The following GPATCH2L variants were observed in gnomAD, a reference collection of about 807,000 sequenced individuals.
GPATCH2L encodes G patch domain-containing protein 2-like.
In GPATCH2L, 31 loss-of-function variants were observed where a neutral mutation model predicts 57.4. The observed-to-expected ratio is 0.54, with a 90% CI of 0.41 to 0.73. The LOEUF (loss-of-function observed/expected upper bound fraction) is 0.73. Among genes scored for constraint, GPATCH2L ranks in the 30% least tolerant of loss-of-function variants. The probability of loss-of-function intolerance (pLI) is 0.00; values close to 1 mark genes in which losing one functional copy is unlikely to be tolerated. For synonymous variants in GPATCH2L, 199 were observed against 210.7 expected (o/e 0.94, Z 0.48); for missense variants, 481 against 599.9 (o/e 0.80, Z 2.07).
intron 2 of GPATCH2L, among the ~76,000 whole-genome samples, chr14:76,159,078 G>A (rs1566770512): frequency 6.6e-6 from 1 of 152,198 alleles, no homozygotes; most frequent in Non-Finnish European, 1.5e-5. Context: ...ACCATGTAAT[G>A]CGTAATAACT....
At chr14:76,223,654 A>G (rs28603673) in intron 1 of GPATCH2L, among the ~76,000 whole-genome samples, 3,584 of 152,316 alleles carry the variant, frequency 0.024, 127 homozygotes, top group African/African-American at 0.082. Flanking sequence ...CGACCACAGA[A>G]TGGGAGAAAA....
At position 76,151,966 on chromosome 14, in the gene GPATCH2L, GC is replaced by G. The variant is rs2038058539; in HGVS notation, c.-34del. On this transcript the variant is annotated 5_prime_UTR_variant, in exon 1 of 10. Coordinates refer to ENST00000261530, the MANE Select transcript of GPATCH2L (RefSeq NM_017926.4). Reference sequence around the variant, plus strand: ...GTGAGAGTCGGCCCAAAAAGCGGCGGCCGTTGGAGGTGGCTGCGGCAGCTGG... The same window carrying G: ...GTGAGAGTCGGCCCAAAAAGCGGCGGCGTTGGAGGTGGCTGCGGCAGCTGG... The G allele has an allele frequency of 6.5e-6, 1 of 154,626 alleles. No individual in the cohort carries two copies. The highest frequency in any genetic ancestry group is 1.4e-5 in the Non-Finnish European group (1 of 70,046). 9.6% of individuals were successfully genotyped at this position (154,626 alleles called of 1,614,324 possible).
chr14:76,178,288 G>T, intron 7 of GPATCH2L: 1 of 1,419,608 alleles, frequency 7.0e-7, no homozygotes, highest in South Asian at 1.2e-5. Flanking sequence ...GCGTTGAGAA[G>T]TACTATGTTG....
At chr14:76,192,018 A>C (rs545750255) in intron 8 of GPATCH2L, among the ~76,000 whole-genome samples, 22 of 151,928 alleles carry the variant, frequency 1.4e-4, no homozygotes, top group African/African-American at 5.3e-4. Context: ...TCCACTTATG[A>C]GTGAGAACTC....
Position 76,210,325 on chromosome 14 carries a change from A to T in GPATCH2L, c.*8474A>T, listed in dbSNP as rs1010091227. 1 of 152,230 alleles carries T rather than the reference A, an allele frequency of 6.6e-6. No individual in the cohort carries two copies. The highest frequency in any genetic ancestry group is 1.5e-5 in the Non-Finnish European group (1 of 68,038). 9.4% of individuals were successfully genotyped at this position (152,230 alleles called of 1,614,324 possible). A position where few individuals can be genotyped will look rare whatever the true frequency, so the allele number is the denominator to read the frequency against. ...CTATTAAGTGTCAGTCAAGATTCAG[A>T]TTCAAGTCTGATGTTAAAGAGTGTC... On this transcript the variant is annotated 3_prime_UTR_variant, in exon 10 of 10. Transcript: ENST00000261530.
At chr14:76,199,784 A>T (rs964567876) in intron 9 of GPATCH2L, among the ~76,000 whole-genome samples, 14 of 152,226 alleles carry the variant, frequency 9.2e-5, no homozygotes, top group Non-Finnish European at 1.6e-4. Context: ...TAAACACAAA[A>T]CTACCATATG....
intron 3 of GPATCH2L, among the ~76,000 whole-genome samples, chr14:76,168,335 C>T (rs1012231070): frequency 1.3e-5 from 2 of 152,154 alleles, no homozygotes; most frequent in African/African-American, 4.8e-5. Flanking sequence ...AACAGAAGAC[C>T]AAAGGGAGGG....
chr14:76,191,759 TCAAA>T (rs2039973365), intron 8 of GPATCH2L, among the ~76,000 whole-genome samples: 1 of 152,142 alleles, frequency 6.6e-6, no homozygotes, highest in South Asian at 2.1e-4. Context: ...ATCCATCTGC[TCAAA>T]CATTTATCAT....
At chr14:76,221,616 G>A (rs1254636475) in intron 1 of GPATCH2L, among the ~76,000 whole-genome samples, 1 of 152,146 alleles carries the variant, frequency 6.6e-6, no homozygotes, top group African/African-American at 2.4e-5. Flanking sequence ...AAACAATCTG[G>A]TACATGCAGG....
At chr14:76,179,715 A>C (rs1054783500) in intron 7 of GPATCH2L, 2 of 152,222 alleles carry the variant, frequency 1.3e-5, no homozygotes, top group African/African-American at 4.8e-5. Flanking sequence ...TAAACTTTTT[A>C]GAGAGGACTG....
rs113999041 is a variant in GPATCH2L, at chr14:76,171,815, A to G, written c.728-28A>G. 761 of 1,415,642 alleles carry G rather than the reference A, an allele frequency of 5.4e-4. 1 individual carries two copies. The African/African-American group carries it at 9.9e-3, about 18-fold the overall frequency. 87.7% of individuals were successfully genotyped at this position (1,415,642 alleles called of 1,614,324 possible). ...TTTCTCAGACCTTGTTTAAAATTCT[A>G]GCTTATGATATGATGTCTTTACTTT... On this transcript the variant is annotated intron_variant, in intron 3 of 9. Coordinates refer to ENST00000261530, the MANE Select transcript of GPATCH2L (RefSeq NM_017926.4).
At chr14:76,232,163 C>T (rs899483149) in intron 2 of GPATCH2L, among the ~76,000 whole-genome samples, 5 of 152,246 alleles carry the variant, frequency 3.3e-5, no homozygotes, top group Non-Finnish European at 4.4e-5. Context: ...CCTCCTTCCT[C>T]GGCCTCCCAA....
At chr14:76,226,164 A>G (rs1008446138) in intron 1 of GPATCH2L, among the ~76,000 whole-genome samples, 4 of 152,252 alleles carry the variant, frequency 2.6e-5, no homozygotes, top group Non-Finnish European at 4.4e-5. Context: ...ACATATGTAC[A>G]TAACAGTACT....
At position 76,201,867 on chromosome 14, in the gene GPATCH2L, C is replaced by G. The variant is rs1425559507; in HGVS notation, c.*16C>G. 8 of 1,606,130 alleles carry G rather than the reference C, an allele frequency of 5.0e-6. No individual in the cohort carries two copies. In the South Asian group the frequency reaches 7.8e-5, roughly 16 times the overall value. On this transcript the variant is annotated 3_prime_UTR_variant, in exon 10 of 10. Transcript: ENST00000261530. ...ATACAGCTAGAGAGCAGGACTTCAC[C>G]CTCCAGGAGCTGACTGGGTGTTGCT...
chr14:76,194,152 C>T (rs1287190541), intron 8 of GPATCH2L, among the ~76,000 whole-genome samples: 1 of 152,112 alleles, frequency 6.6e-6, no homozygotes, highest in Non-Finnish European at 1.5e-5. Flanking sequence ...CAGCATGCTG[C>T]TTAGACTTGT....
At chr14:76,162,718 A>G (rs954010257) in intron 2 of GPATCH2L, among the ~76,000 whole-genome samples, 1 of 152,176 alleles carries the variant, frequency 6.6e-6, no homozygotes, top group Non-Finnish European at 1.5e-5. Flanking sequence ...CAGGAACCAT[A>G]AGGGCAAGTG....
At chr14:76,166,890 C>T (rs1046099802) in intron 3 of GPATCH2L, among the ~76,000 whole-genome samples, 163 bp downstream of exon 3, 10 of 152,058 alleles carry the variant, frequency 6.6e-5, no homozygotes, top group African/African-American at 1.7e-4. Flanking sequence ...CTGCACAGTC[C>T]TGAGCTCCTA....
chr14:76,198,278 G>T (rs1192112519), intron 9 of GPATCH2L, among the ~76,000 whole-genome samples: 1 of 152,118 alleles, frequency 6.6e-6, no homozygotes, highest in Non-Finnish European at 1.5e-5. Flanking sequence ...CCAGAACAGG[G>T]ATTTCCCTGC....
chr14:76,186,755 T>G (rs1290207370), intron 8 of GPATCH2L, among the ~76,000 whole-genome samples: 1 of 152,190 alleles, frequency 6.6e-6, no homozygotes. Context: ...GATGAAAGCA[T>G]TTTCTCTCTC....
Sources: allele counts gnomAD v4.1 joint callset (sites outside exome capture counted in the v4.1 genomes callset), GRCh38; gene constraint gnomAD v4.1.1; transcripts MANE v1.5; gene names NCBI Gene and HGNC (gene_info 2026-07-23, HGNC 2026-07-21).